Variants in ATP6V0D2 observed in about 807,000 individuals in gnomAD.
The protein encoded by ATP6V0D2 is ATPase H+ transporting V0 subunit d2, also known as V-type proton ATPase subunit d 2.
A neutral mutation model predicts 40.0 loss-of-function variants in ATP6V0D2; 40 were observed. The observed-to-expected ratio is 1.00, with a 90% CI of 0.78 to 1.30. ATP6V0D2 has a LOEUF of 1.30. Ranked by LOEUF, ATP6V0D2 falls within the 50% of genes most tolerant of loss-of-function variation. The pLI is 0.00. For synonymous variants in ATP6V0D2, 179 were observed against 156.3 expected, an observed-to-expected ratio of 1.15 and a Z score of -1.08; for missense variants, 470 against 423.1, an observed-to-expected ratio of 1.11 and a Z score of -0.97.
intron 2 of ATP6V0D2, among the ~76,000 whole-genome samples, chr8:86,133,588 T>C (rs1818857478): frequency 6.6e-6 from 1 of 151,960 alleles, no homozygotes; most frequent in Admixed American, 6.6e-5. Context: ...CCCAAAGTGC[T>C]GGGATTACAG....
At chr8:86,132,619 T>C (rs1818842452) in intron 2 of ATP6V0D2, among the ~76,000 whole-genome samples, 1 of 152,152 alleles carries the variant, frequency 6.6e-6, no homozygotes, top group East Asian at 1.9e-4. Flanking sequence ...ACTTAACATA[T>C]TGACCTGCAA....
At chr8:86,114,440 G>A (rs1048628208) in intron 2 of ATP6V0D2, among the ~76,000 whole-genome samples, 6 of 152,196 alleles carry the variant, frequency 3.9e-5, no homozygotes, top group Admixed American at 3.3e-4. Context: ...GGGAGGCCAA[G>A]GTGGGTGGAT....
chr8:86,107,064 G>A (rs1336024371), intron 1 of ATP6V0D2, among the ~76,000 whole-genome samples: 4 of 151,872 alleles, frequency 2.6e-5, no homozygotes, highest in Non-Finnish European at 5.9e-5. Context: ...TTACTACCTA[G>A]ACAACTGTGT....
chr8:86,126,875 T>C (rs1436878989), intron 2 of ATP6V0D2, among the ~76,000 whole-genome samples: 1 of 152,158 alleles, frequency 6.6e-6, no homozygotes, highest in African/African-American at 2.4e-5. Flanking sequence ...TAGACCAAGA[T>C]TGTAGAGAAT....
intron 1 of ATP6V0D2, 105 bp from the exon 2 acceptor site, chr8:86,113,604 T>C: frequency 1.0e-6 from 1 of 956,338 alleles, no homozygotes; most frequent in Admixed American, 2.4e-5. Context: ...AATAAGATAA[T>C]ACATATGTAT....
chr8:86,151,633 C>G (rs1230420291), intron 7 of ATP6V0D2, 93 bp downstream of exon 7: 1 of 946,292 alleles, frequency 1.1e-6, no homozygotes, highest in African/African-American at 1.7e-5. Flanking sequence ...TACAGCTGAT[C>G]ATGCCAATTG....
rs1455606752 is a variant in ATP6V0D2, at chr8:86,099,113, G to A, written c.130+5G>A. Reference sequence around the variant, plus strand: ...TCCAGTGTGAGACCCTAGAAGGTAAGTGTAGCTCTTCTCACCCTTTAAAAA... The same window carrying A: ...TCCAGTGTGAGACCCTAGAAGGTAAATGTAGCTCTTCTCACCCTTTAAAAA... On this transcript the variant is annotated splice_donor_5th_base_variant and intron_variant, in intron 1 of 7. Coordinates refer to ENST00000285393, the MANE Select transcript of ATP6V0D2 (RefSeq NM_152565.1). 4 of 1,601,402 alleles carry A rather than the reference G, an allele frequency of 2.5e-6. No homozygotes were observed. The South Asian group carries it at 3.4e-5, about 14-fold the overall frequency.
At chr8:86,151,355 T>C (rs1456598381) in intron 6 of ATP6V0D2, 111 bp from the exon 7 acceptor site, 3 of 780,922 alleles carry the variant, frequency 3.8e-6, no homozygotes, top group Admixed American at 6.7e-5. Flanking sequence ...TCAGTCCTCC[T>C]GGTATTTTTT....
intron 4 of ATP6V0D2, 82 bp downstream of exon 4, chr8:86,141,611 T>C: frequency 1.0e-6 from 1 of 961,904 alleles, no homozygotes; most frequent in Non-Finnish European, 1.5e-6. Flanking sequence ...CTTACTTTAC[T>C]CATTAACCAA....
intron 2 of ATP6V0D2, among the ~76,000 whole-genome samples, chr8:86,131,278 C>A (rs1477612370): frequency 1.2e-4 from 18 of 152,162 alleles, no homozygotes; most frequent in Non-Finnish European, 4.4e-5. Context: ...CGGCTCACTG[C>A]AACCTCTGCC....
chr8:86,128,701 G>T (rs1375122139), intron 2 of ATP6V0D2, among the ~76,000 whole-genome samples: 2 of 152,286 alleles, frequency 1.3e-5, no homozygotes, highest in South Asian at 2.1e-4. Context: ...CAACTCTGGG[G>T]TTACAAGATA....
At position 86,122,423 on chromosome 8, in the gene ATP6V0D2, T is replaced by C. The variant is rs575326736; in HGVS notation, c.302+8543T>C. Reference sequence around the variant, plus strand: ...TATCCCAATGACACATAATAAACCATTTACAGCCTTTGTGGTGTGCTGTAC... The same window carrying C: ...TATCCCAATGACACATAATAAACCACTTACAGCCTTTGTGGTGTGCTGTAC... On this transcript the variant is annotated intron_variant, in intron 2 of 7. Transcript: ENST00000285393. 2.6e-5 allele frequency among the ~76,000 whole-genome samples: 4 copies of C among 152,312 alleles called. No homozygotes were observed. In the South Asian group the frequency reaches 8.3e-4, roughly 32 times the overall value.
chr8:86,142,725 G>A (rs998415620), intron 4 of ATP6V0D2, 152 bp from the exon 5 acceptor site: 53 of 499,178 alleles, frequency 1.1e-4, no homozygotes, highest in African/African-American at 4.5e-4. Flanking sequence ...CAATGTGAAA[G>A]CTTCTACCAA....
At chr8:86,150,589 G>A (rs1330531777) in intron 6 of ATP6V0D2, among the ~76,000 whole-genome samples, 2 of 152,072 alleles carry the variant, frequency 1.3e-5, no homozygotes, top group African/African-American at 2.4e-5. Flanking sequence ...CTGGTTCAGT[G>A]TTCTGGAAAT....
At position 86,113,853 on chromosome 8, in the gene ATP6V0D2, C is replaced by A. The variant is rs1419379013; in HGVS notation, c.275C>A (p.Pro92His). ...FEYFRNHSLE[P>H]LSTFLTYMTC... ...TATTTCCGGAATCATTCCCTGGAGC[C>A]CCTCAGCACATTTCTCACCTATATG... The change falls in exon 2 of 8, where the codon CCC becomes CAC. Residue 92 changes from proline to histidine, a missense_variant. Pro to His is a moderately conservative substitution (Grantham distance 77). Coordinates refer to ENST00000285393, the MANE Select transcript of ATP6V0D2 (RefSeq NM_152565.1). The A allele has an allele frequency of 1.9e-6, 3 of 1,613,646 alleles. No homozygotes were observed. The highest frequency in any genetic ancestry group is 2.5e-6 in the Non-Finnish European group (3 of 1,179,828).
chr8:86,141,902 C>T (rs372584812), intron 4 of ATP6V0D2, among the ~76,000 whole-genome samples: 32 of 152,262 alleles, frequency 2.1e-4, no homozygotes, highest in South Asian at 4.1e-4. Context: ...CATCTCTGTC[C>T]TCAATCCTGT....
At chr8:86,119,923 C>T (rs1291848432) in intron 2 of ATP6V0D2, among the ~76,000 whole-genome samples, 2 of 152,172 alleles carry the variant, frequency 1.3e-5, no homozygotes, top group East Asian at 3.9e-4. Context: ...TAGAATCCTG[C>T]ATTCAGCAGT....
At chr8:86,130,818 G>A (rs1320079487) in intron 2 of ATP6V0D2, among the ~76,000 whole-genome samples, 3 of 152,020 alleles carry the variant, frequency 2.0e-5, no homozygotes, top group Non-Finnish European at 4.4e-5. Flanking sequence ...GTGCCCTATG[G>A]GGAAGCCTCG....
At chr8:86,152,451 G>A (rs536679908) in intron 7 of ATP6V0D2, among the ~76,000 whole-genome samples, 26 of 152,290 alleles carry the variant, frequency 1.7e-4, no homozygotes, top group Admixed American at 9.2e-4. Context: ...TAATGGGATC[G>A]CTGGGTCAAA....
Sources: allele counts gnomAD v4.1 joint callset (sites outside exome capture counted in the v4.1 genomes callset), GRCh38; gene constraint gnomAD v4.1.1; transcripts MANE v1.5; gene names NCBI Gene and HGNC (gene_info 2026-07-23, HGNC 2026-07-21).